PTPRD: variants seen among roughly 807,000 people sequenced by gnomAD.
PTPRD encodes the protein receptor-type tyrosine-protein phosphatase delta.
PTPRD carries 34 observed loss-of-function variants against 214.5 expected under a neutral mutation model. That is an observed-to-expected ratio of 0.16 (90% confidence interval 0.12 to 0.21). The LOEUF is 0.21. Among genes scored for constraint, PTPRD ranks in the 10% least tolerant of loss-of-function variants. PTPRD has a pLI of 1.00. For missense variants in PTPRD, 2,545 were observed against 2,398.7 expected, an observed-to-expected ratio of 1.06 and a Z score of -1.27; for synonymous variants, 1,128 against 845.7, an observed-to-expected ratio of 1.33 and a Z score of -5.79.
chr9:8,593,919 G>A (rs144585422), intron 14 of PTPRD, among the ~76,000 whole-genome samples: 42 of 152,204 alleles, frequency 2.8e-4, no homozygotes, highest in Non-Finnish European at 4.7e-4. Flanking sequence ...AGCTGGCCCT[G>A]GGAACCTAGT....
chr9:8,748,830 GAAC>G (rs2093191707), intron 11 of PTPRD, among the ~76,000 whole-genome samples: 1 of 152,078 alleles, frequency 6.6e-6, no homozygotes, highest in Admixed American at 6.6e-5. Flanking sequence ...AGAATCGCTT[GAAC>G]CCAGGAGCGG....
chr9:9,608,174 A>G (rs73641334), intron 7 of PTPRD, among the ~76,000 whole-genome samples: 8,636 of 152,164 alleles, frequency 0.057, 857 homozygotes, highest in African/African-American at 0.2. Flanking sequence ...AATTAAGTGA[A>G]TCACCTCATA....
At chr9:10,288,471 T>C (rs773821141) in intron 3 of PTPRD, among the ~76,000 whole-genome samples, 11 of 152,274 alleles carry the variant, frequency 7.2e-5, no homozygotes, top group Non-Finnish European at 1.6e-4. Context: ...GCTTTTGTTT[T>C]CAGAAATGCA....
intron 2 of PTPRD, among the ~76,000 whole-genome samples, chr9:10,525,195 A>T (rs1322085664): frequency 6.6e-6 from 1 of 152,126 alleles, no homozygotes; most frequent in African/African-American, 2.4e-5. Flanking sequence ...TTGTCAAGCC[A>T]TATAAAATAT....
chr9:9,766,780 A>C (rs995797625), intron 6 of PTPRD, 30 bp downstream of exon 6: 3 of 152,528 alleles, frequency 2.0e-5, no homozygotes, highest in African/African-American at 7.2e-5. Flanking sequence ...TTTATGGAGA[A>C]ATTTTAAAAT....
intron 3 of PTPRD, among the ~76,000 whole-genome samples, chr9:10,151,163 C>T (rs1398628892): frequency 6.9e-6 from 1 of 144,926 alleles, no homozygotes; most frequent in Admixed American, 7.2e-5. Flanking sequence ...GGAGTTCAAG[C>T]GATTCTCCTT....
chr9:10,094,510 C>T (rs183856626), intron 3 of PTPRD, among the ~76,000 whole-genome samples: 2 of 146,714 alleles, frequency 1.4e-5, no homozygotes, highest in Admixed American at 6.9e-5. Context: ...AATAAATAAA[C>T]AACAGTATGG....
chr9:8,724,647 A>T (rs1030950344), intron 12 of PTPRD, among the ~76,000 whole-genome samples: 2 of 152,188 alleles, frequency 1.3e-5, no homozygotes, highest in Non-Finnish European at 2.9e-5. Context: ...TCCACCACTT[A>T]GCCAGGCTCA....
chr9:9,507,149 A>G (rs567050258), intron 8 of PTPRD, among the ~76,000 whole-genome samples: 72 of 151,450 alleles, frequency 4.8e-4, no homozygotes, highest in Non-Finnish European at 9.5e-4. Context: ...AATGGCATCA[A>G]GAGAATGATT....
intron 13 of PTPRD, among the ~76,000 whole-genome samples, chr9:8,636,119 G>A (rs552673365): frequency 2.6e-5 from 4 of 152,260 alleles, no homozygotes; most frequent in African/African-American, 9.6e-5. Flanking sequence ...ACAGGTGCGA[G>A]GGGCAGTGGA....
At chr9:9,417,083 G>A (rs567825290) in intron 8 of PTPRD, among the ~76,000 whole-genome samples, 11 of 152,008 alleles carry the variant, frequency 7.2e-5, no homozygotes, top group East Asian at 1.9e-4. Context: ...CTTCAATTTC[G>A]GGGTTAATGA....
intron 7 of PTPRD, among the ~76,000 whole-genome samples, chr9:9,663,690 T>G (rs1169434530): frequency 1.3e-5 from 2 of 151,650 alleles, no homozygotes; most frequent in African/African-American, 4.8e-5. Flanking sequence ...AATTTGATCT[T>G]TATTTAAACT....
intron 9 of PTPRD, among the ~76,000 whole-genome samples, chr9:9,271,926 C>T (rs1475454913): frequency 1.3e-5 from 2 of 151,398 alleles, no homozygotes; most frequent in Admixed American, 1.3e-4. Flanking sequence ...AATTGAGAAA[C>T]TTCATTGTTT....
intron 8 of PTPRD, among the ~76,000 whole-genome samples, chr9:9,464,547 A>G (rs1316409993): frequency 6.6e-6 from 1 of 152,172 alleles, no homozygotes; most frequent in African/African-American, 2.4e-5. Flanking sequence ...CTAACACAGC[A>G]TGAGACACAT....
chr9:9,014,071 TATA>T (rs997162921), intron 11 of PTPRD, among the ~76,000 whole-genome samples: 1 of 152,122 alleles, frequency 6.6e-6, no homozygotes, highest in Non-Finnish European at 1.5e-5. Flanking sequence ...ACCATTTTTC[TATA>T]ATAAGTAAAT....
chr9:8,537,463 C>T (rs2077234337), intron 14 of PTPRD, among the ~76,000 whole-genome samples: 1 of 151,896 alleles, frequency 6.6e-6, no homozygotes, highest in Admixed American at 6.6e-5. Flanking sequence ...GTCCTCTTTG[C>T]AAGTTATTAC....
Position 8,774,381 on chromosome 9 carries a change from G to C in PTPRD, c.-103-40435C>G, listed in dbSNP as rs1036331. ...AAAGACCTCAGTGCCTTCAGAAAGG[G>C]AGAAGATTAGAGATTACAGGAGAGA... On this transcript the variant is annotated intron_variant, in intron 11 of 45. Coordinates refer to ENST00000381196, the MANE Select transcript of PTPRD (RefSeq NM_002839.4). 1.3e-4 allele frequency among the ~76,000 whole-genome samples: 19 copies of C among 151,982 alleles called. No homozygotes were observed. In the Middle Eastern group the frequency reaches 0.01, roughly 82 times the overall value.
chr9:9,926,307 C>A (rs2153897274), intron 5 of PTPRD, among the ~76,000 whole-genome samples: 1 of 151,894 alleles, frequency 6.6e-6, no homozygotes, highest in South Asian at 2.1e-4. Context: ...GGAAACAGTA[C>A]AATAAAACAG....
intron 6 of PTPRD, among the ~76,000 whole-genome samples, chr9:9,738,040 G>C (rs1214516775): frequency 6.6e-5 from 10 of 151,844 alleles, no homozygotes; most frequent in African/African-American, 1.7e-4. Context: ...CTCATAGTTG[G>C]GAATTGAACA....
Sources: gnomAD v4.1 joint callset for allele counts (sites outside exome capture counted in the v4.1 genomes callset) on GRCh38, gnomAD v4.1.1 for gene constraint, MANE v1.5 for transcripts, NCBI Gene and HGNC (gene_info 2026-07-23, HGNC 2026-07-21) for gene names.